Variants in NLRP1 observed in about 807,000 individuals in gnomAD.
NLRP1 encodes the protein NLR family pyrin domain containing 1, also known as NACHT, LRR and PYD domains-containing protein 1.
Under a neutral mutation model 136.7 loss-of-function variants are expected in NLRP1, and 94 were observed. The observed-to-expected ratio is 0.69, with a 90% CI of 0.58 to 0.82. NLRP1 has a LOEUF of 0.82. NLRP1 is among the 40% of genes least tolerant of loss of function. The pLI, the probability that NLRP1 is intolerant of heterozygous loss-of-function variation, is 0.00. For missense variants in NLRP1, 1,575 were observed against 1,802.7 expected, an observed-to-expected ratio of 0.87 and a Z score of 2.29; for synonymous variants, 690 against 725.1, an observed-to-expected ratio of 0.95 and a Z score of 0.78.
chr17:5,558,294 T>G, intron 4 of NLRP1, 45 bp downstream of exon 4: 1 of 1,550,354 alleles, frequency 6.5e-7, no homozygotes, highest in Non-Finnish European at 8.7e-7. Flanking sequence ...CTCGGGCTTA[T>G]GGACTGACAG....
At chr17:5,512,060 G>A (rs4790774), downstream of NLRP1, 315,422 of 690,738 alleles carry the variant, frequency 0.46, 77,379 homozygotes, top group East Asian at 0.87. Flanking sequence ...ACACCTTTAG[G>A]TATTTTTGTT....
chr17:5,549,901 T>C (rs935734256), intron 5 of NLRP1, among the ~76,000 whole-genome samples: 1 of 152,190 alleles, frequency 6.6e-6, no homozygotes, highest in African/African-American at 2.4e-5. Context: ...GTGTTTCCAA[T>C]GTGAAAAGGT....
chr17:5,512,595 C>T (rs762780911), downstream of NLRP1: 22 of 499,546 alleles, frequency 4.4e-5, no homozygotes, highest in Middle Eastern at 1.1e-3. Context: ...GTGGGTGGGG[C>T]GTGAAGGACC....
intron 5 of NLRP1, among the ~76,000 whole-genome samples, chr17:5,543,765 G>A (rs1013738040): frequency 8.5e-5 from 13 of 152,122 alleles, no homozygotes; most frequent in Non-Finnish European, 1.0e-4. Context: ...TCAGAGCAGC[G>A]ACTTCGGGAG....
At chr17:5,571,495 C>T (rs568217016) in intron 3 of NLRP1, among the ~76,000 whole-genome samples, 3 of 152,192 alleles carry the variant, frequency 2.0e-5, no homozygotes, top group African/African-American at 7.2e-5. Flanking sequence ...GAATGCAATC[C>T]CATTCACAAT....
At chr17:5,562,848 G>T (rs1162652946) in intron 3 of NLRP1, among the ~76,000 whole-genome samples, 2 of 152,168 alleles carry the variant, frequency 1.3e-5, no homozygotes, top group Non-Finnish European at 2.9e-5. Flanking sequence ...GAAGCACTTT[G>T]GCCTGCACCC....
In NLRP1 at chr17:5,558,846, A is replaced by G; in HGVS notation, c.1850T>C (p.Leu617Pro). ...ACAGAGGTGAATGAAGCTGTAGCTC[A>G]GAGGGATGGGGTGCTCTTGAAGAAT... The part of the protein sequence containing the change: ...MGILQEHPIP[L>P]SYSFIHLCFQ... The change falls in exon 4 of 17, where the codon CTG becomes CCG. Residue 617 changes from leucine to proline, a missense_variant. Leu to Pro is a moderately conservative substitution (Grantham distance 98, BLOSUM62 -3). Coordinates refer to ENST00000572272, the MANE Select transcript of NLRP1 (RefSeq NM_033004.4). The G allele has an allele frequency of 6.2e-7, 1 of 1,614,220 alleles. No individual in the cohort carries two copies. Among genetic ancestry groups the G allele is most frequent in the South Asian group, 1.1e-5 (1 of 91,080 alleles).
At chr17:5,573,134 C>T (rs1904605444) in intron 3 of NLRP1, among the ~76,000 whole-genome samples, 1 of 152,230 alleles carries the variant, frequency 6.6e-6, no homozygotes, top group South Asian at 2.1e-4. Flanking sequence ...CTGCACTTTT[C>T]CAACGGTCTT....
At chr17:5,570,553 ACT>A (rs1461010073) in intron 3 of NLRP1, among the ~76,000 whole-genome samples, 1 of 152,094 alleles carries the variant, frequency 6.6e-6, no homozygotes, top group Admixed American at 6.6e-5. Context: ...AGAAATTAAA[ACT>A]CTGAACAGAG....
intron 5 of NLRP1, among the ~76,000 whole-genome samples, chr17:5,551,705 T>C (rs1913379913): frequency 6.6e-6 from 1 of 152,222 alleles, no homozygotes; most frequent in Non-Finnish European, 1.5e-5. Flanking sequence ...TGTCAGTGTT[T>C]TGGATTTTGG....
chr17:5,532,832 T>A lies in NLRP1; in HGVS notation c.3286A>T (p.Asn1096Tyr). ...VATEVVDKEK[N>Y]LYRVHFPVAG... is the part of the protein sequence containing the mutation. ...AGCCCCCTCACTCACCGGTACAAGT[T>A]CTTTTCTTTGTCAACTACCTCAGTA... The change falls in exon 11 of 17, where the codon AAC (asparagine) becomes TAC (tyrosine). Residue 1096 changes from asparagine (N) to tyrosine (Y), a missense_variant. Asn to Tyr is a moderately radical substitution (Grantham distance 143). Transcript: ENST00000572272. 1 of 1,604,542 alleles carries A rather than the reference T, an allele frequency of 6.2e-7. No homozygotes were observed. Among genetic ancestry groups the A allele is most frequent in the Non-Finnish European group, 8.5e-7 (1 of 1,176,508 alleles).
chr17:5,559,932 C>T lies in NLRP1; in HGVS notation c.764G>A (p.Trp255Ter). 1 of 1,614,202 alleles carries T rather than the reference C, an allele frequency of 6.2e-7. No individual in the cohort carries two copies. The highest frequency in any genetic ancestry group is 8.5e-7 in the Non-Finnish European group (1 of 1,180,036). The part of the protein sequence containing the change: ...HTSLQPHHHP[W>*]EPSVRESLCS... ...GAGGCTCTCTCTCACAGAAGGCTCC[C>T]ATGGGTGGTGGTGGGGCTGTAGGCT... Residue 255 changes from tryptophan to a stop codon, truncating the protein, a stop_gained, in exon 4 of 17, where the codon TGG (tryptophan) becomes TAG (stop). Transcript: ENST00000572272. LOFTEE classifies it high-confidence loss of function.
In NLRP1 at chr17:5,541,937, G is replaced by A; in HGVS notation, c.2619C>T (p.Ser873=). ...ANQTLTELDL[S]FNVLTDAGAK... is the part of the protein sequence containing the mutation. ...CTCCAGCATCCGTGAGCACATTGAA[G>A]CTCAGGTCCAGCTCGGTCAGGGTCT... The change falls in exon 6 of 17, where the codon AGC becomes AGT. Residue 873 remains serine, a synonymous_variant. Coordinates refer to ENST00000572272, the MANE Select transcript of NLRP1 (RefSeq NM_033004.4). This position sits in a 1 kb window ranked among gnomAD's most constrained non-coding sequence, Gnocchi z 4.2. 2 of 1,614,142 alleles carry A rather than the reference G, an allele frequency of 1.2e-6. No homozygotes were observed. Among genetic ancestry groups the A allele is most frequent in the Non-Finnish European group, 1.7e-6 (2 of 1,180,032 alleles).
chr17:5,519,767 GTC>G (rs926575461), intron 14 of NLRP1, among the ~76,000 whole-genome samples: 1 of 148,378 alleles, frequency 6.7e-6, no homozygotes, highest in East Asian at 2.0e-4. Context: ...CTTTTGACTT[GTC>G]TCTCTGCTTT....
intron 10 of NLRP1, 153 bp downstream of exon 10, chr17:5,533,151 G>T: frequency 1.4e-6 from 2 of 1,450,352 alleles, no homozygotes; most frequent in Admixed American, 4.8e-5. Flanking sequence ...CTGCTGTCTG[G>T]GGAGCCCCAC....
chr17:5,513,820 A>C (rs895240777), downstream of NLRP1, among the ~76,000 whole-genome samples: 42 of 152,212 alleles, frequency 2.8e-4, no homozygotes, highest in African/African-American at 9.9e-4. Context: ...GCCAAAACCC[A>C]TCAAACCAAG....
intron 5 of NLRP1, among the ~76,000 whole-genome samples, chr17:5,545,136 G>A (rs1912407754): frequency 6.6e-6 from 1 of 151,992 alleles, no homozygotes; most frequent in Non-Finnish European, 1.5e-5. Flanking sequence ...GGAATTTAAG[G>A]TCAGCTGCAT....
intron 3 of NLRP1, among the ~76,000 whole-genome samples, chr17:5,574,018 G>A (rs1904729023): frequency 6.6e-6 from 1 of 152,204 alleles, no homozygotes; most frequent in Admixed American, 6.5e-5. Flanking sequence ...CGAGCTAAAG[G>A]AGGAAGTTCG....
chr17:5,533,551 G>GTTTTTTTTT (rs35006823), intron 9 of NLRP1, among the ~76,000 whole-genome samples, 167 bp from the exon 10 acceptor site: 3 of 90,018 alleles, frequency 3.3e-5, no homozygotes, highest in African/African-American at 1.3e-4. Flanking sequence ...GTGAGACTCT[G>GTTTTTTTTT]TTTTTTTTTT....
Sources: gnomAD v4.1 joint callset for allele counts (sites outside exome capture counted in the v4.1 genomes callset) on GRCh38, gnomAD v4.1.1 for gene constraint, Gnocchi (gnomAD v3.1) non-coding constraint, MANE v1.5 for transcripts, NCBI Gene and HGNC (gene_info 2026-07-23, HGNC 2026-07-21) for gene names.